The following KIRREL3 variants were observed in gnomAD, a reference collection of about 807,000 sequenced individuals.
KIRREL3 encodes the protein kin of IRRE-like protein 3.
Under a neutral mutation model 89.7 loss-of-function variants are expected in KIRREL3, and 36 were observed. The observed-to-expected ratio is 0.40, with a 90% confidence interval of 0.31 to 0.53. KIRREL3 has a LOEUF of 0.53. KIRREL3 is among the 20% of genes least tolerant of loss of function. The pLI is 0.49. For synonymous variants in KIRREL3, 445 were observed against 441.4 expected (o/e 1.01, Z -0.10); for missense variants, 864 against 1,056.6 (o/e 0.82, Z 2.53).
rs1360863124 is a variant in KIRREL3, at chr11:126,764,862, C to T, written c.56-201950G>A. On this transcript the variant is annotated intron_variant, in intron 1 of 16. Coordinates refer to ENST00000525144, the MANE Select transcript of KIRREL3 (RefSeq NM_032531.4). This position sits in a 1 kb window ranked among gnomAD's most constrained non-coding sequence, Gnocchi z 4.2. The stretch of plus-strand genomic sequence containing the variant: ...TTGGACTAGGCCTTTGGCAGGAGTC[C>T]TCTACTCTCGGCCTGGATCCTCTTC... Among the ~76,000 whole-genome samples, 1 of 152,152 alleles carries T rather than the reference C, an allele frequency of 6.6e-6. No homozygotes were observed. The highest frequency in any genetic ancestry group is 2.4e-5 in the African/African-American group (1 of 41,422).
At position 126,612,816 on chromosome 11, in the gene KIRREL3, T is replaced by C. The variant is rs923120683; in HGVS notation, c.56-49904A>G. ...TCCCAGTTGCCACATGCATCAGTAC[T>C]TTATTCCTTTGTATGGGTGAGTAAC... On this transcript the variant is annotated intron_variant, in intron 1 of 16. Transcript: ENST00000525144. This position sits in a 1 kb window ranked among gnomAD's most constrained non-coding sequence, Gnocchi z 4.5. Among the ~76,000 whole-genome samples the C allele has an allele frequency of 1.3e-5, 2 of 152,246 alleles. No homozygotes were observed. The highest frequency in any genetic ancestry group is 4.8e-5 in the African/African-American group (2 of 41,464).
chr11:126,866,497 G>A (rs1026384261), intron 1 of KIRREL3, among the ~76,000 whole-genome samples: 10 of 152,212 alleles, frequency 6.6e-5, no homozygotes, highest in Non-Finnish European at 1.2e-4. Flanking sequence ...ATAGGAGGGG[G>A]GCCGGGAAGT....
At chr11:126,927,082 G>T (rs1204600229) in intron 1 of KIRREL3, among the ~76,000 whole-genome samples, 1 of 152,192 alleles carries the variant, frequency 6.6e-6, no homozygotes, top group Non-Finnish European at 1.5e-5. Context: ...TTAAAATAAA[G>T]CTTTCCAGTC....
At chr11:126,849,178 A>G (rs1184605647) in intron 1 of KIRREL3, among the ~76,000 whole-genome samples, 1 of 152,176 alleles carries the variant, frequency 6.6e-6, no homozygotes, top group Admixed American at 6.5e-5. Flanking sequence ...CACTCAAACC[A>G]AGATGTCGAT....
At chr11:126,619,438 C>T (rs967165113) in intron 1 of KIRREL3, among the ~76,000 whole-genome samples, 4 of 152,088 alleles carry the variant, frequency 2.6e-5, no homozygotes, top group Non-Finnish European at 4.4e-5. Flanking sequence ...GGGATGCCAT[C>T]GGATGGGTTT....
At chr11:126,863,403 G>GTGTGTGTT (rs1378095859) in intron 1 of KIRREL3, among the ~76,000 whole-genome samples, 12 of 130,182 alleles carry the variant, frequency 9.2e-5, no homozygotes, top group Admixed American at 5.3e-4. Flanking sequence ...GTGTGAGTGC[G>GTGTGTGTT]TGAGTGCGTG....
chr11:126,588,704 G>C (rs972647777), intron 1 of KIRREL3, among the ~76,000 whole-genome samples: 5 of 152,202 alleles, frequency 3.3e-5, no homozygotes, highest in Non-Finnish European at 5.9e-5. Flanking sequence ...CTGTTTCCCT[G>C]GTTCAAAGGT....
chr11:126,945,694 T>C (rs1948602683), intron 1 of KIRREL3, among the ~76,000 whole-genome samples: 1 of 152,116 alleles, frequency 6.6e-6, no homozygotes, highest in Non-Finnish European at 1.5e-5. Context: ...TCACCTAAGT[T>C]TCCTTATAAT....
At chr11:126,539,514 A>C (rs772032068) in intron 2 of KIRREL3, among the ~76,000 whole-genome samples, 3 of 152,242 alleles carry the variant, frequency 2.0e-5, no homozygotes, top group Non-Finnish European at 2.9e-5. Flanking sequence ...TTTTGCTGTC[A>C]TGAGGACTCA....
At chr11:126,648,944 C>T (rs986760480) in intron 1 of KIRREL3, among the ~76,000 whole-genome samples, 2 of 152,038 alleles carry the variant, frequency 1.3e-5, no homozygotes, top group Admixed American at 6.6e-5. Flanking sequence ...AAGACATACT[C>T]GAGAATGGGA....
chr11:126,505,493 C>T (rs1030708004), intron 4 of KIRREL3, among the ~76,000 whole-genome samples: 10 of 152,122 alleles, frequency 6.6e-5, no homozygotes, highest in African/African-American at 2.4e-4. Context: ...ATTGCTTGAA[C>T]CCAGGAGGCA....
intron 1 of KIRREL3, among the ~76,000 whole-genome samples, chr11:126,966,414 G>A (rs1949273085): frequency 6.6e-6 from 1 of 152,074 alleles, no homozygotes; most frequent in South Asian, 2.1e-4. Flanking sequence ...GTTATCTTGG[G>A]CGTATTGATT....
intron 1 of KIRREL3, among the ~76,000 whole-genome samples, chr11:126,865,312 C>G (rs1412622934): frequency 1.3e-5 from 2 of 152,256 alleles, no homozygotes; most frequent in African/African-American, 4.8e-5. Flanking sequence ...AGAAGGCTCT[C>G]AGTCTATTTG....
intron 1 of KIRREL3, among the ~76,000 whole-genome samples, chr11:126,599,205 T>C (rs1383888713): frequency 1.3e-5 from 2 of 152,120 alleles, no homozygotes; most frequent in East Asian, 3.9e-4. Context: ...TTTCTAGAAA[T>C]CCTCAAAAGC....
At chr11:126,667,964 C>T (rs1945738647) in intron 1 of KIRREL3, among the ~76,000 whole-genome samples, 1 of 152,124 alleles carries the variant, frequency 6.6e-6, no homozygotes, top group Non-Finnish European at 1.5e-5. Flanking sequence ...TTCTCTGGGG[C>T]AAGGGGCAAG....
In KIRREL3 at chr11:126,769,096, T is replaced by C. The variant is rs796263628; in HGVS notation, c.56-206184A>G. Among the ~76,000 whole-genome samples the C allele has an allele frequency of 1.2e-4, 19 of 152,312 alleles. No individual in the cohort carries two copies. Among genetic ancestry groups the C allele is most frequent in the African/African-American group, 4.3e-4 (18 of 41,574 alleles). On this transcript the variant is annotated intron_variant, in intron 1 of 16. Coordinates refer to ENST00000525144, the MANE Select transcript of KIRREL3 (RefSeq NM_032531.4). The surrounding 1 kb of genome is among the most constrained non-coding windows in gnomAD (Gnocchi z 4.3). ...TTTACCTGTCAGACTCCTCGGGGCCTTTGAGCTCTAAGTCAGGTATCTCTT... is the reference window on the plus strand; with the variant it reads ...TTTACCTGTCAGACTCCTCGGGGCCCTTGAGCTCTAAGTCAGGTATCTCTT...
At chr11:126,613,718 C>T (rs1169507418) in intron 1 of KIRREL3, among the ~76,000 whole-genome samples, 1 of 152,000 alleles carries the variant, frequency 6.6e-6, no homozygotes, top group Non-Finnish European at 1.5e-5. Flanking sequence ...ACAAATCTCC[C>T]AATATCAGAG....
rs753433027 is a variant in KIRREL3, at chr11:126,436,842, G to A, written c.1521C>T (p.Ser507=). Residue 507 remains serine, a synonymous_variant, in exon 12 of 17, where the codon TCC becomes TCT. Transcript: ENST00000525144. ...YNCTAWNSFG[S]DTEIIRLKEQ... Reference sequence around the variant, plus strand: ...CCTTGAGCCGGATGATCTCAGTGTCGGAGCCGAAGCTGTTCCAGGCCGTGC... The same window carrying A: ...CCTTGAGCCGGATGATCTCAGTGTCAGAGCCGAAGCTGTTCCAGGCCGTGC... 1.2e-6 allele frequency: 2 copies of A among 1,613,684 alleles called. No homozygotes were observed. The highest frequency in any genetic ancestry group is 1.7e-5 in the Admixed American group (1 of 60,024).
At chr11:126,505,968 T>C (rs1958002602) in intron 4 of KIRREL3, among the ~76,000 whole-genome samples, 1 of 152,238 alleles carries the variant, frequency 6.6e-6, no homozygotes, top group African/African-American at 2.4e-5. Flanking sequence ...AAAATTCATA[T>C]GAAAATGCAA....
Sources: allele counts gnomAD v4.1 joint callset (sites outside exome capture counted in the v4.1 genomes callset), GRCh38; gene constraint gnomAD v4.1.1; non-coding constraint Gnocchi (gnomAD v3.1); transcripts MANE v1.5; gene names NCBI Gene and HGNC (gene_info 2026-07-23, HGNC 2026-07-21).